Variants in MAST2 observed in about 807,000 individuals in gnomAD.
MAST2 encodes microtubule associated serine/threonine kinase 2.
In MAST2, 70 loss-of-function variants were observed where a neutral mutation model predicts 147.4. The ratio of observed to expected loss-of-function variants is 0.47; its 90% CI spans 0.39 to 0.58. MAST2 has a LOEUF of 0.58. Ranked by LOEUF, MAST2 falls within the 20% of genes least tolerant of loss-of-function variation. MAST2 has a pLI of 0.00. For missense variants in MAST2, 2,080 were observed against 2,302.3 expected (o/e 0.90, Z 1.98); for synonymous variants, 869 against 896.8 (o/e 0.97, Z 0.55).
chr1:45,911,102 A>G (rs114566597), intron 4 of MAST2, among the ~76,000 whole-genome samples: 2,455 of 152,272 alleles, frequency 0.016, 28 homozygotes, highest in Non-Finnish European at 0.026. Context: ...CAATAAATAA[A>G]TGTGTGAATG....
At chr1:45,854,584 C>G (rs1408708221) in intron 3 of MAST2, among the ~76,000 whole-genome samples, 1 of 151,934 alleles carries the variant, frequency 6.6e-6, no homozygotes. Context: ...TACAAAAAGT[C>G]TTGCTGGGAT....
intron 4 of MAST2, among the ~76,000 whole-genome samples, chr1:45,883,669 A>T (rs1570531158): frequency 1.3e-5 from 2 of 151,994 alleles, no homozygotes; most frequent in South Asian, 2.1e-4. Context: ...TAGAATTCTT[A>T]ATGGGTTAAA....
chr1:45,992,320 T>G (rs1239800134), intron 5 of MAST2, among the ~76,000 whole-genome samples: 3 of 152,188 alleles, frequency 2.0e-5, no homozygotes, highest in Admixed American at 1.3e-4. Flanking sequence ...TTTTTCTTCT[T>G]TAGTATGTTG....
intron 3 of MAST2, among the ~76,000 whole-genome samples, chr1:45,846,629 G>A (rs1459095037): frequency 6.6e-6 from 1 of 152,012 alleles, no homozygotes; most frequent in Non-Finnish European, 1.5e-5. Context: ...AGACCAGCCT[G>A]GCCAACATGG....
At chr1:45,847,030 A>C (rs1645460173) in intron 3 of MAST2, 1 of 359,614 alleles carries the variant, frequency 2.8e-6, no homozygotes, top group East Asian at 7.8e-5. Context: ...GAGTCATTTG[A>C]TTCATCGTTT....
intron 3 of MAST2, among the ~76,000 whole-genome samples, chr1:45,853,903 G>A (rs1645705139): frequency 6.6e-6 from 1 of 152,002 alleles, no homozygotes; most frequent in Non-Finnish European, 1.5e-5. Context: ...CAATTTTGAA[G>A]TAATTTTTGT....
chr1:45,862,717 G>C (rs1486131898), intron 3 of MAST2, among the ~76,000 whole-genome samples: 2 of 152,068 alleles, frequency 1.3e-5, no homozygotes, highest in African/African-American at 4.8e-5. Context: ...TGATCCACTT[G>C]CCTCGGCCTC....
At chr1:45,967,112 C>G (rs1661345372) in intron 5 of MAST2, among the ~76,000 whole-genome samples, 1 of 151,718 alleles carries the variant, frequency 6.6e-6, no homozygotes, top group African/African-American at 2.4e-5. Flanking sequence ...CTCACTCTGT[C>G]ACCCAGGCTG....
intron 3 of MAST2, chr1:45,847,011 T>A: frequency 3.0e-6 from 1 of 332,194 alleles, no homozygotes; most frequent in Non-Finnish European, 6.2e-6. Flanking sequence ...TCCAGTCATT[T>A]CCTCTTCTGA....
At position 46,035,493 on chromosome 1, in the gene MAST2, A is replaced by G. The variant is rs199663556; in HGVS notation, c.4824A>G (p.Thr1608=). The change falls in exon 29 of 29, where the codon ACA becomes ACG. Residue 1608 remains threonine (T), a synonymous_variant. Coordinates refer to ENST00000361297, the MANE Select transcript of MAST2 (RefSeq NM_015112.3). This position sits in a 1 kb window ranked among gnomAD's most constrained non-coding sequence, Gnocchi z 5.5. Reference sequence around the variant, plus strand: ...CCAACCTAGGTCAGTCTGGAGCCACAGACCCCATCCCTCCTGAAGGTTGCT... The same window carrying G: ...CCAACCTAGGTCAGTCTGGAGCCACGGACCCCATCCCTCCTGAAGGTTGCT... ...AGPNLGQSGA[T]DPIPPEGCWK... is the part of the protein sequence containing the mutation. 1.9e-6 allele frequency: 3 copies of G among 1,613,288 alleles called. No individual in the cohort carries two copies. The highest frequency in any genetic ancestry group is 2.5e-6 in the Non-Finnish European group (3 of 1,179,992).
At chr1:45,805,165 C>T (rs758448087) in intron 1 of MAST2, among the ~76,000 whole-genome samples, 1 of 151,954 alleles carries the variant, frequency 6.6e-6, no homozygotes, top group Non-Finnish European at 1.5e-5. Context: ...TCTCCTGCCT[C>T]AGCCTCCCGG....
rs551086448 is a variant in MAST2 at position 46,020,472 on chromosome 1, G to GA, written c.1290+776dup. Among the ~76,000 whole-genome samples, 207 of 152,230 alleles carry GA rather than the reference G, an allele frequency of 1.4e-3. 1 individual carries two copies. Among genetic ancestry groups the GA allele is most frequent in the Middle Eastern group, 3.4e-3 (1 of 294 alleles). On this transcript the variant is annotated intron_variant, in intron 11 of 28. Coordinates refer to ENST00000361297, the MANE Select transcript of MAST2 (RefSeq NM_015112.3). The stretch of plus-strand genomic sequence containing the variant: ...TTTTCATTACCCTTACGGCCACTTG[G>GA]AGACACCAGAAAGTTTAGGTAAGAA...
chr1:45,832,675 C>A (rs1000474720), intron 3 of MAST2, among the ~76,000 whole-genome samples: 1 of 152,280 alleles, frequency 6.6e-6, no homozygotes, highest in East Asian at 1.9e-4. Flanking sequence ...GCTGAATATT[C>A]CACTTTAAGG....
chr1:45,991,903 A>G (rs746055064), intron 5 of MAST2, among the ~76,000 whole-genome samples: 18 of 151,356 alleles, frequency 1.2e-4, no homozygotes, highest in Middle Eastern at 3.4e-3. Flanking sequence ...TAATTTATGT[A>G]TTTTTTTTAG....
At chr1:45,927,791 G>T (rs1001657694) in intron 4 of MAST2, among the ~76,000 whole-genome samples, 9 of 152,182 alleles carry the variant, frequency 5.9e-5, no homozygotes, top group African/African-American at 1.7e-4. Flanking sequence ...AAGCACAGGG[G>T]TATTGATTGG....
chr1:45,950,964 TC>T (rs1232840134), intron 4 of MAST2, among the ~76,000 whole-genome samples: 1 of 152,114 alleles, frequency 6.6e-6, no homozygotes, highest in East Asian at 1.9e-4. Context: ...ATGCCTGTAA[TC>T]CCAGCACTTT....
At chr1:45,921,283 C>CG (rs1557908879) in intron 4 of MAST2, among the ~76,000 whole-genome samples, 1 of 152,174 alleles carries the variant, frequency 6.6e-6, no homozygotes, top group African/African-American at 2.4e-5. Context: ...TGTGAGCCAC[C>CG]GTGCCCAGCC....
intron 5 of MAST2, among the ~76,000 whole-genome samples, chr1:45,984,470 T>A (rs1644535469): frequency 6.6e-6 from 1 of 151,844 alleles, no homozygotes; most frequent in African/African-American, 2.4e-5. Flanking sequence ...ACCCAGCTAA[T>A]AATTTTTTAA....
intron 3 of MAST2, among the ~76,000 whole-genome samples, chr1:45,857,304 T>G (rs567880525): frequency 1.4e-4 from 22 of 152,214 alleles, no homozygotes; most frequent in Non-Finnish European, 2.5e-4. Context: ...TGAGGAATCT[T>G]AATCATAAGC....
Sources: allele counts gnomAD v4.1 joint callset (sites outside exome capture counted in the v4.1 genomes callset), GRCh38; gene constraint gnomAD v4.1.1; non-coding constraint Gnocchi (gnomAD v3.1); transcripts MANE v1.5; gene names NCBI Gene and HGNC (gene_info 2026-07-23, HGNC 2026-07-21).